MICAL2: variants seen among roughly 807,000 people sequenced by gnomAD.
MICAL2 encodes [F-actin]-monooxygenase MICAL2.
In MICAL2, 77 loss-of-function variants were observed where a neutral mutation model predicts 127.3. The ratio of observed to expected loss-of-function variants is 0.60; its 90% confidence interval spans 0.50 to 0.73. The LOEUF (loss-of-function observed/expected upper bound fraction) is 0.73. MICAL2 is among the 30% of genes least tolerant of loss of function. The probability of loss-of-function intolerance (pLI) is 0.00; values close to 1 mark genes in which losing one functional copy is unlikely to be tolerated. For missense variants in MICAL2, 1,351 were observed against 1,434.4 expected, an observed-to-expected ratio of 0.94 and a Z score of 0.94; for synonymous variants, 570 against 551.1, an observed-to-expected ratio of 1.03 and a Z score of -0.48.
At chr11:12,295,144 CTTT>C (rs11317430), downstream of MICAL2, among the ~76,000 whole-genome samples, 2 of 137,334 alleles carry the variant, frequency 1.5e-5, no homozygotes, top group Non-Finnish European at 1.6e-5. Flanking sequence ...AATTTTGTAT[CTTT>C]TTTTTTTTTT....
chr11:12,125,506 G>C (rs561844597), intron 1 of MICAL2, among the ~76,000 whole-genome samples: 2 of 152,056 alleles, frequency 1.3e-5, no homozygotes, highest in Non-Finnish European at 2.9e-5. Context: ...TGCCCGCCTC[G>C]GCCTCTCAAA....
chr11:12,250,497 T>A (rs1050678509), intron 22 of MICAL2, among the ~76,000 whole-genome samples: 1 of 152,232 alleles, frequency 6.6e-6, no homozygotes, highest in African/African-American at 2.4e-5. Context: ...CTCTCCATTT[T>A]ACAGATGAAG....
chr11:12,351,332 C>T (rs890019570), intron 33 of MICAL2, among the ~76,000 whole-genome samples: 2 of 152,124 alleles, frequency 1.3e-5, no homozygotes, highest in African/African-American at 4.8e-5. Context: ...CAGCCAGGGG[C>T]AATAACCTCA....
intron 12 of MICAL2, 40 bp downstream of exon 12, chr11:12,223,541 G>A (rs1857070170): frequency 6.4e-7 from 1 of 1,555,686 alleles, no homozygotes; most frequent in African/African-American, 1.4e-5. Flanking sequence ...TGGCTGGGAA[G>A]AGCTTTGAGG....
At chr11:12,294,005 TTGG>T, downstream of MICAL2, 1 of 1,614,180 alleles carries the variant, frequency 6.2e-7, no homozygotes, top group South Asian at 1.1e-5. Flanking sequence ...GACCATGTTG[TTGG>T]ATTGGAATGA....
At chr11:12,361,726 G>A (rs1161166491), downstream of MICAL2, among the ~76,000 whole-genome samples, 1 of 152,140 alleles carries the variant, frequency 6.6e-6, no homozygotes, top group Non-Finnish European at 1.5e-5. Context: ...CTGCATTCTG[G>A]AGGCAAATGA....
At position 12,226,347 on chromosome 11, in the gene MICAL2, G is replaced by T. The variant is rs199894889; in HGVS notation, c.1865G>T (p.Arg622Leu). Residue 622 changes from arginine (R) to leucine (L), a missense_variant, in exon 14 of 28, where the codon CGG becomes CTG. By Grantham distance (102) the Arg-to-Leu change is moderately radical. Coordinates refer to ENST00000683283, the MANE Select transcript of MICAL2 (RefSeq NM_001282663.2). ...MYLSKFYELF[R>L]GTPLRPVDSW... ...CTCTCCAAGTTCTACGAGCTCTTCC[G>T]GGGCACCCCACTGAGGCCCGTGGGT... is the stretch of plus-strand genomic sequence containing the variant. 4 of 1,614,012 alleles carry T rather than the reference G, an allele frequency of 2.5e-6. No homozygotes were observed. The African/African-American group carries it at 5.3e-5, about 22-fold the overall frequency.
downstream of MICAL2, chr11:12,294,560 G>C: frequency 6.2e-7 from 1 of 1,614,196 alleles, no homozygotes; most frequent in Non-Finnish European, 8.5e-7. Flanking sequence ...CCTCGAGAAA[G>C]TGAGTTTGCA....
At chr11:12,281,141 A>C (rs1024143396) in intron 2 of MICAL2, 7 of 385,132 alleles carry the variant, frequency 1.8e-5, no homozygotes, top group Admixed American at 5.0e-5. Context: ...GGAAGTGGGG[A>C]GGGAACAGAG....
At chr11:12,312,003 A>G (rs1465669117) in intron 29 of MICAL2, among the ~76,000 whole-genome samples, 2 of 151,320 alleles carry the variant, frequency 1.3e-5, no homozygotes, top group African/African-American at 4.8e-5. Context: ...ATGTTTTTTA[A>G]TTTATTATAA....
At chr11:12,273,369 C>A (rs1218904414), upstream of MICAL2, among the ~76,000 whole-genome samples, 2 of 152,160 alleles carry the variant, frequency 1.3e-5, no homozygotes, top group Admixed American at 6.5e-5. Context: ...CTGCCACCAC[C>A]ACCACCATCG....
Position 12,242,417 on chromosome 11 carries a change from G to T in MICAL2, c.2541G>T (p.Glu847Asp), listed in dbSNP as rs746485317. 5 of 1,606,594 alleles carry T rather than the reference G, an allele frequency of 3.1e-6. No homozygotes were observed. The highest frequency in any genetic ancestry group is 3.4e-5 in the Admixed American group (2 of 59,448). The change falls in exon 19 of 28, where the codon GAG (glutamate) becomes GAT (aspartate). Residue 847 changes from glutamate (E) to aspartate (D), a missense_variant. Physicochemically the swap from Glu to Asp is conservative, Grantham distance 45. This residue lies in a region of MICAL2 where 752 missense variants were observed against 719.4 expected (regional missense o/e 1.05). Coordinates refer to ENST00000683283, the MANE Select transcript of MICAL2 (RefSeq NM_001282663.2). ...TGCTGTGGCGGCTGCAGCAAGTGGA[G>T]GAAAAGATTCTCCAGGTGAGAGACT... is the stretch of plus-strand genomic sequence containing the variant. Reference protein sequence around the residue: ...SGVLWRLQQVEEKILQKRAQN... With the variant: ...SGVLWRLQQVDEKILQKRAQN...
In MICAL2 at chr11:12,244,068, T is replaced by G. The variant is rs969208728; in HGVS notation, c.2740T>G (p.Ser914Ala). 10 of 1,614,210 alleles carry G rather than the reference T, an allele frequency of 6.2e-6. No individual in the cohort carries two copies. The highest frequency in any genetic ancestry group is 2.2e-5 in the East Asian group (1 of 44,884). The change falls in exon 21 of 28, where the codon TCT becomes GCT. Residue 914 changes from serine to alanine, a missense_variant. Physicochemically the swap from Ser to Ala is moderately conservative, Grantham distance 99. This residue lies in a region of MICAL2 where 752 missense variants were observed against 719.4 expected (regional missense o/e 1.05). Coordinates refer to ENST00000683283, the MANE Select transcript of MICAL2 (RefSeq NM_001282663.2). ...CCTTCCGTCTCCTGATCCAGCTGCT[T>G]CTTCCTCTCCATCAACTGTTGACTC... ...SRLPSPDPAA[S>A]SSPSTVDSAS...
At chr11:12,231,854 G>A (rs1858323245) in intron 15 of MICAL2, among the ~76,000 whole-genome samples, 1 of 152,242 alleles carries the variant, frequency 6.6e-6, no homozygotes, top group Non-Finnish European at 1.5e-5. Context: ...CATGGCTGAA[G>A]CTACTCTCTC....
At chr11:12,211,658 AG>A (rs1855487904) in intron 6 of MICAL2, among the ~76,000 whole-genome samples, 1 of 152,180 alleles carries the variant, frequency 6.6e-6, no homozygotes, top group Non-Finnish European at 1.5e-5. Flanking sequence ...ACTGTTGAAA[AG>A]TGGCCATCTG....
rs1021088589 is a variant in MICAL2 at position 12,222,606 on chromosome 11, C to T, written c.1323-11C>T. The T allele has an allele frequency of 6.8e-6, 11 of 1,614,074 alleles. No homozygotes were observed. Among genetic ancestry groups the T allele is most frequent in the Admixed American group, 1.7e-5 (1 of 60,006 alleles). On this transcript the variant is annotated splice_polypyrimidine_tract_variant and intron_variant, in intron 10 of 27. Transcript: ENST00000683283. ...AGTGATCCCTGACCTCCAGGCTCCG[C>T]CTCCCTCCAGGGAAAGTCTCTACCG...
chr11:12,299,190 G>A (rs925686478), intron 29 of MICAL2, among the ~76,000 whole-genome samples: 3 of 152,114 alleles, frequency 2.0e-5, no homozygotes, highest in African/African-American at 7.2e-5. Flanking sequence ...GAAGAGTTTT[G>A]TGTTTCTTTC....
At chr11:12,211,715 A>G (rs1855495222) in intron 6 of MICAL2, among the ~76,000 whole-genome samples, 1 of 152,170 alleles carries the variant, frequency 6.6e-6, no homozygotes, top group South Asian at 2.1e-4. Context: ...TACCAAGTTC[A>G]AGAGGCCAAA....
chr11:12,321,672 T>A (rs1183234525), intron 30 of MICAL2, among the ~76,000 whole-genome samples: 2 of 152,086 alleles, frequency 1.3e-5, no homozygotes, highest in Non-Finnish European at 2.9e-5. Flanking sequence ...AATGAAGCAT[T>A]CTTCTTTTCT....
Sources: gnomAD v4.1 joint callset for allele counts (sites outside exome capture counted in the v4.1 genomes callset) on GRCh38, gnomAD v4.1.1 for gene constraint, gnomAD v4.1.1 regional missense constraint, MANE v1.5 for transcripts, NCBI Gene and HGNC (gene_info 2026-07-23, HGNC 2026-07-21) for gene names.